Variants in DCC observed in about 807,000 individuals in gnomAD.
DCC encodes netrin receptor DCC.
In DCC, 58 loss-of-function variants were observed where a neutral mutation model predicts 172.5. That is an observed-to-expected ratio of 0.34 (90% confidence interval 0.27 to 0.42). The LOEUF (loss-of-function observed/expected upper bound fraction) is 0.42. Among genes scored for constraint, DCC ranks in the 10% least tolerant of loss-of-function variants. DCC has a pLI of 1.00. For synonymous variants in DCC, 709 were observed against 644.5 expected (o/e 1.10, Z -1.52); for missense variants, 1,740 against 1,791.0 (o/e 0.97, Z 0.51).
intron 1 of DCC, among the ~76,000 whole-genome samples, chr18:52,667,280 T>C (rs2339357): frequency 0.9 from 136,505 of 152,272 alleles, 61,739 homozygotes; most frequent in Middle Eastern, 0.96. Flanking sequence ...TAGTAGATGA[T>C]ATATGCCAGT....
At chr18:52,678,579 G>C (rs752061966) in intron 1 of DCC, among the ~76,000 whole-genome samples, 4 of 152,106 alleles carry the variant, frequency 2.6e-5, no homozygotes, top group Non-Finnish European at 1.5e-5. Flanking sequence ...GCTTAAAAAA[G>C]TAAATTACTG....
At chr18:53,113,466 G>C (rs2043364882) in intron 7 of DCC, among the ~76,000 whole-genome samples, 2 of 151,014 alleles carry the variant, frequency 1.3e-5, no homozygotes, top group Non-Finnish European at 3.0e-5. Context: ...CATTAGTTCA[G>C]ATATTTTTCC....
chr18:52,878,687 C>T lies in DCC; in HGVS notation c.413-27357C>T, dbSNP rs560417735. Reference sequence around the variant, plus strand: ...CTTATTTGTTTATTATCTGATTCTCCCTGAGAGTATATAATTTTTACTAGG... The same window carrying T: ...CTTATTTGTTTATTATCTGATTCTCTCTGAGAGTATATAATTTTTACTAGG... On this transcript the variant is annotated intron_variant, in intron 2 of 28. Transcript: ENST00000442544. Among the ~76,000 whole-genome samples the T allele has an allele frequency of 7.9e-5, 12 of 152,084 alleles. No individual in the cohort carries two copies. In the South Asian group the frequency reaches 2.5e-3, roughly 32 times the overall value.
chr18:53,262,171 G>A (rs2056614045), intron 12 of DCC, among the ~76,000 whole-genome samples: 1 of 152,184 alleles, frequency 6.6e-6, no homozygotes, highest in African/African-American at 2.4e-5. Context: ...TGGCAGATTA[G>A]CTTCCAAGAC....
chr18:53,201,522 C>G (rs1419910210), intron 9 of DCC, among the ~76,000 whole-genome samples: 1 of 152,060 alleles, frequency 6.6e-6, no homozygotes, highest in Admixed American at 6.6e-5. Flanking sequence ...AGAAATGTCC[C>G]CTCTTGAAAT....
Position 53,533,620 on chromosome 18 carries a change from C to T in DCC, c.*2967C>T, listed in dbSNP as rs1162285945. ...AAAGAATATTTGGATGATGCTCTAG[C>T]CAAAAGTTAAATATTTCGTAGTGAA... On this transcript the variant is annotated 3_prime_UTR_variant, in exon 29 of 29. Transcript: ENST00000442544. 1 of 151,988 alleles carries T rather than the reference C, an allele frequency of 6.6e-6. No homozygotes were observed. The allele number at this position is 151,988 out of a possible 1,614,324, so 9.4% of individuals were successfully genotyped here. A position where few individuals can be genotyped will look rare whatever the true frequency, so the allele number is the denominator to read the frequency against.
At chr18:53,423,419 C>T (rs1255289721) in intron 21 of DCC, among the ~76,000 whole-genome samples, 1 of 152,094 alleles carries the variant, frequency 6.6e-6, no homozygotes, top group African/African-American at 2.4e-5. Context: ...CCTTGGCTAT[C>T]TGACTGTAAC....
At chr18:52,624,661 G>A (rs2034539922) in intron 1 of DCC, among the ~76,000 whole-genome samples, 1 of 152,114 alleles carries the variant, frequency 6.6e-6, no homozygotes, top group African/African-American at 2.4e-5. Context: ...AGTAATATTG[G>A]TATTATTAAT....
rs757922001 is a variant in DCC, at chr18:53,499,355, A to G, written c.3956A>G (p.Glu1319Gly). The G allele has an allele frequency of 3.1e-6, 5 of 1,613,974 alleles. No individual in the cohort carries two copies. In the African/African-American group the frequency reaches 6.7e-5, roughly 22 times the overall value. ...CCTATGCTGCCCCCATCTCAGCCTG[A>G]GCATTCTAGCAGCGAGGAGGCACCA... ...QPPMLPPSQP[E>G]HSSSEEAPSR... Residue 1319 changes from glutamate to glycine, a missense_variant, in exon 27 of 29, where the codon GAG becomes GGG. Glu to Gly is a moderately conservative substitution (Grantham distance 98, BLOSUM62 -2). Around this residue, in one of 2 missense-constraint regions of DCC, gnomAD observed 1,732 missense variants for 1,767.4 expected, o/e 0.98. Coordinates refer to ENST00000442544, the MANE Select transcript of DCC (RefSeq NM_005215.4).
chr18:52,782,665 AG>A (rs1379381537), intron 2 of DCC, among the ~76,000 whole-genome samples: 1 of 152,036 alleles, frequency 6.6e-6, no homozygotes, highest in Admixed American at 6.6e-5. Flanking sequence ...TATTCACTTG[AG>A]GACCTTTCAT....
intron 9 of DCC, among the ~76,000 whole-genome samples, chr18:53,200,507 C>T (rs905422712): frequency 6.6e-6 from 1 of 152,118 alleles, no homozygotes; most frequent in Non-Finnish European, 1.5e-5. Flanking sequence ...ACAGTTGCTG[C>T]AATTACTTGC....
chr18:52,791,458 G>A (rs1170052066), intron 2 of DCC, among the ~76,000 whole-genome samples: 1 of 150,050 alleles, frequency 6.7e-6, no homozygotes, highest in Non-Finnish European at 1.5e-5. Context: ...TCCCCCTGCT[G>A]TTTTTTGTGT....
Position 53,533,545 on chromosome 18 carries a change from A to C in DCC, c.*2892A>C, listed in dbSNP as rs911074449. 1 of 152,204 alleles carries C rather than the reference A, an allele frequency of 6.6e-6. No homozygotes were observed. The highest frequency in any genetic ancestry group is 2.4e-5 in the African/African-American group (1 of 41,448). 9.4% of individuals were successfully genotyped at this position (152,204 alleles called of 1,614,324 possible). A position where few individuals can be genotyped will look rare whatever the true frequency, so the allele number is the denominator to read the frequency against. On this transcript the variant is annotated 3_prime_UTR_variant, in exon 29 of 29. Transcript: ENST00000442544. ...GAAAGCTATTTTCTCTCCTCTGCAG[A>C]AATTTCTGCATTTGTGAAACTTATA...
chr18:53,262,117 A>C (rs1304775114), intron 12 of DCC, among the ~76,000 whole-genome samples: 1 of 152,200 alleles, frequency 6.6e-6, no homozygotes, highest in Non-Finnish European at 1.5e-5. Context: ...TAAACTGGAA[A>C]TCTTAGAGGC....
At position 52,869,551 on chromosome 18, in the gene DCC, C is replaced by T. The variant is rs551983972; in HGVS notation, c.413-36493C>T. Among the ~76,000 whole-genome samples, 16 of 152,306 alleles carry T rather than the reference C, an allele frequency of 1.1e-4. No homozygotes were observed. The South Asian group carries it at 3.3e-3, about 32-fold the overall frequency. On this transcript the variant is annotated intron_variant, in intron 2 of 28. Transcript: ENST00000442544. ...GCCCTTCCTGGCTTGAAGGTGGGGCCTCACCGTGGACCCACCCCCTTCTGC... is the reference window on the plus strand; with the variant it reads ...GCCCTTCCTGGCTTGAAGGTGGGGCTTCACCGTGGACCCACCCCCTTCTGC...
At chr18:52,368,766 T>C (rs1179597318) in intron 1 of DCC, among the ~76,000 whole-genome samples, 1 of 152,224 alleles carries the variant, frequency 6.6e-6, no homozygotes, top group Admixed American at 6.5e-5. Context: ...CTAGTCTTTG[T>C]TCAGGATCCT....
At chr18:53,194,480 T>G (rs945767692) in intron 9 of DCC, among the ~76,000 whole-genome samples, 3 of 152,048 alleles carry the variant, frequency 2.0e-5, no homozygotes, top group African/African-American at 7.2e-5. Context: ...TTGTTTGTTT[T>G]TTTTTTAGAT....
rs1260669685 is a variant in DCC at position 52,683,211 on chromosome 18, C to G, written c.92-68843C>G. Among the ~76,000 whole-genome samples, 8 of 152,172 alleles carry G rather than the reference C, an allele frequency of 5.3e-5. 1 individual carries two copies. In the East Asian group the frequency reaches 1.6e-3, roughly 30 times the overall value. On this transcript the variant is annotated intron_variant, in intron 1 of 28. Transcript: ENST00000442544. ...GCCACTTTTCTGCTTTATGCCTTCT[C>G]TATGAAAGTAGGTAGTGGTTCCAGG...
intron 1 of DCC, among the ~76,000 whole-genome samples, chr18:52,647,886 C>T (rs147694138): frequency 1.6e-3 from 247 of 152,070 alleles, no homozygotes; most frequent in African/African-American, 5.3e-3. Flanking sequence ...AGGGGGAACA[C>T]GGCAAACATG....
Sources: gnomAD v4.1 joint callset for allele counts (sites outside exome capture counted in the v4.1 genomes callset) on GRCh38, gnomAD v4.1.1 for gene constraint, gnomAD v4.1.1 regional missense constraint, MANE v1.5 for transcripts, NCBI Gene and HGNC (gene_info 2026-07-23, HGNC 2026-07-21) for gene names.